LRRC7: variants seen among roughly 807,000 people sequenced by gnomAD.
LRRC7 encodes the protein leucine-rich repeat-containing protein 7.
LRRC7 carries 23 observed loss-of-function variants against 175.7 expected under a neutral mutation model. That is an observed-to-expected ratio of 0.13 (90% confidence interval 0.09 to 0.19). LRRC7 has a LOEUF of 0.19. Among genes scored for constraint, LRRC7 ranks in the 10% least tolerant of loss-of-function variants. The pLI is 1.00. For missense variants in LRRC7, 1,354 were observed against 1,904.7 expected (o/e 0.71, Z 5.38); for synonymous variants, 685 against 680.9 (o/e 1.01, Z -0.09).
At chr1:69,592,355 T>C (rs72936518) in intron 1 of LRRC7, among the ~76,000 whole-genome samples, 4,802 of 152,198 alleles carry the variant, frequency 0.032, 229 homozygotes, top group African/African-American at 0.11. Context: ...TTCAGGCAGA[T>C]TGTATTGTAA....
rs949651933 is a variant in LRRC7 at position 70,079,280 on chromosome 1, G to T, written c.4452+2982G>T. Among the ~76,000 whole-genome samples, 14 of 152,200 alleles carry T rather than the reference G, an allele frequency of 9.2e-5. No individual in the cohort carries two copies. In the South Asian group the frequency reaches 1.5e-3, roughly 16 times the overall value. On this transcript the variant is annotated intron_variant, in intron 24 of 26. Coordinates refer to ENST00000651989, the MANE Select transcript of LRRC7 (RefSeq NM_001370785.2). ...ATAAAATTTCTAATGTAGATTTGGG[G>T]CATATAAATCAAAACAGTCTATTTT... is the stretch of plus-strand genomic sequence containing the variant.
chr1:69,667,949 T>G (rs61782256), intron 1 of LRRC7, among the ~76,000 whole-genome samples: 8,912 of 152,236 alleles, frequency 0.059, 304 homozygotes, highest in African/African-American at 0.08. Flanking sequence ...TTTAATTCAT[T>G]GCTTTTTATT....
intron 26 of LRRC7, among the ~76,000 whole-genome samples, chr1:70,114,931 A>C (rs1237410881): frequency 6.6e-6 from 1 of 152,218 alleles, no homozygotes. Flanking sequence ...AGTAACATCC[A>C]TTAAGTGTCT....
chr1:70,001,938 A>G (rs2101929818), intron 11 of LRRC7, among the ~76,000 whole-genome samples: 1 of 152,292 alleles, frequency 6.6e-6, no homozygotes, highest in Non-Finnish European at 1.5e-5. Flanking sequence ...CAGATACAGA[A>G]ACAGAGGCAG....
intron 3 of LRRC7, among the ~76,000 whole-genome samples, chr1:69,786,104 A>G (rs1235564514): frequency 6.6e-6 from 1 of 152,062 alleles, no homozygotes; most frequent in African/African-American, 2.4e-5. Flanking sequence ...AAATGATGTT[A>G]TGTTTCTTGC....
intron 18 of LRRC7, among the ~76,000 whole-genome samples, chr1:70,029,909 C>T (rs1445931824): frequency 6.6e-6 from 1 of 152,100 alleles, no homozygotes; most frequent in Non-Finnish European, 1.5e-5. Context: ...TTAATGTTTC[C>T]TTTGCAAACT....
intron 1 of LRRC7, among the ~76,000 whole-genome samples, chr1:69,590,267 G>A (rs1271856694): frequency 6.6e-6 from 1 of 152,104 alleles, no homozygotes; most frequent in East Asian, 1.9e-4. Flanking sequence ...AAAGTCAGGA[G>A]GCATGGTTAA....
chr1:69,745,635 G>C (rs1443242919), intron 2 of LRRC7, among the ~76,000 whole-genome samples: 1 of 151,896 alleles, frequency 6.6e-6, no homozygotes. Context: ...AATATTTAAT[G>C]ATATGAGAAA....
intron 23 of LRRC7, among the ~76,000 whole-genome samples, chr1:70,060,109 G>A (rs1222657895): frequency 2.0e-5 from 3 of 152,136 alleles, no homozygotes; most frequent in Admixed American, 1.3e-4. Flanking sequence ...CTTGAGGCCA[G>A]GAGTTTGAGA....
chr1:70,054,899 C>T (rs566353943), intron 23 of LRRC7, among the ~76,000 whole-genome samples: 1 of 152,116 alleles, frequency 6.6e-6, no homozygotes, highest in East Asian at 1.9e-4. Context: ...CTACACTCTA[C>T]TTTCTAAGCT....
intron 8 of LRRC7, among the ~76,000 whole-genome samples, chr1:69,978,671 G>C (rs1306372183): frequency 6.6e-6 from 1 of 152,108 alleles, no homozygotes; most frequent in Non-Finnish European, 1.5e-5. Context: ...TCTATTGCAA[G>C]CACAGGCTAA....
chr1:69,891,823 A>C (rs1363135597), intron 7 of LRRC7, among the ~76,000 whole-genome samples: 1 of 141,870 alleles, frequency 7.0e-6, no homozygotes, highest in Non-Finnish European at 1.6e-5. Flanking sequence ...ATACAAAGAC[A>C]TGAGTGAGCA....
chr1:70,091,292 AG>A (rs1232677609), intron 25 of LRRC7, among the ~76,000 whole-genome samples: 1 of 152,170 alleles, frequency 6.6e-6, no homozygotes, highest in Non-Finnish European at 1.5e-5. Context: ...AGAAGCATAA[AG>A]GTTCAAAATT....
At chr1:69,870,023 C>T (rs1685356548) in intron 7 of LRRC7, among the ~76,000 whole-genome samples, 1 of 152,100 alleles carries the variant, frequency 6.6e-6, no homozygotes, top group Admixed American at 6.6e-5. Flanking sequence ...AGCCTGAGAA[C>T]AGCAAATGTG....
At chr1:69,622,050 A>G (rs1401013739) in intron 1 of LRRC7, among the ~76,000 whole-genome samples, 1 of 152,216 alleles carries the variant, frequency 6.6e-6, no homozygotes, top group Non-Finnish European at 1.5e-5. Context: ...TTATCCTGAA[A>G]TTAGACTAGT....
At chr1:69,853,858 T>C (rs1426181582) in intron 7 of LRRC7, among the ~76,000 whole-genome samples, 1 of 152,206 alleles carries the variant, frequency 6.6e-6, no homozygotes, top group Non-Finnish European at 1.5e-5. Flanking sequence ...TTATATTAAG[T>C]ATAATGATTA....
At chr1:69,753,613 A>T (rs1405708033) in intron 2 of LRRC7, among the ~76,000 whole-genome samples, 7 of 152,120 alleles carry the variant, frequency 4.6e-5, no homozygotes, top group Non-Finnish European at 2.9e-5. Context: ...TTTTGCAAGT[A>T]GTGTACAAAT....
chr1:69,863,275 A>C (rs1283242708), intron 7 of LRRC7, among the ~76,000 whole-genome samples: 1 of 152,182 alleles, frequency 6.6e-6, no homozygotes, highest in African/African-American at 2.4e-5. Context: ...CCTCCAATCT[A>C]AAGTAGCCAT....
At chr1:69,660,737 G>A (rs966919625) in intron 1 of LRRC7, among the ~76,000 whole-genome samples, 6 of 152,004 alleles carry the variant, frequency 3.9e-5, no homozygotes, top group Admixed American at 6.6e-5. Flanking sequence ...TTTAAGGGAA[G>A]GTTACAGGCA....
Sources: gnomAD v4.1 joint callset for allele counts (sites outside exome capture counted in the v4.1 genomes callset) on GRCh38, gnomAD v4.1.1 for gene constraint, MANE v1.5 for transcripts, NCBI Gene and HGNC (gene_info 2026-07-23, HGNC 2026-07-21) for gene names.